The following LAMA2 variants were observed in gnomAD, a reference collection of about 807,000 sequenced individuals.
LAMA2 encodes the protein laminin subunit alpha-2.
LAMA2 carries 269 observed loss-of-function variants against 364.8 expected under a neutral mutation model. The observed-to-expected ratio is 0.74, with a 90% confidence interval of 0.67 to 0.82. The LOEUF is 0.82. Among genes scored for constraint, LAMA2 ranks in the 40% least tolerant of loss-of-function variants. LAMA2 has a pLI of 0.00. For synonymous variants in LAMA2, 1,379 were observed against 1,370.6 expected (o/e 1.01, Z -0.14); for missense variants, 3,807 against 3,873.2 (o/e 0.98, Z 0.45).
chr6:129,137,851 T>A (rs1436100034), intron 4 of LAMA2, among the ~76,000 whole-genome samples: 1 of 152,068 alleles, frequency 6.6e-6, no homozygotes, highest in Non-Finnish European at 1.5e-5. Flanking sequence ...AGAAAATGTA[T>A]AACCTCATTG....
chr6:128,983,343 T>G, intron 1 of LAMA2, among the ~76,000 whole-genome samples: 1 of 152,176 alleles, frequency 6.6e-6, no homozygotes, highest in East Asian at 1.9e-4. Context: ...TGGTTTTGGT[T>G]TGCATTTCTC....
At chr6:129,442,735 G>T (rs1782181046) in intron 43 of LAMA2, 1 of 370,498 alleles carries the variant, frequency 2.7e-6, no homozygotes, top group Non-Finnish European at 5.0e-6. Flanking sequence ...TCAACTGGTA[G>T]TGGCCTTTTG....
intron 3 of LAMA2, among the ~76,000 whole-genome samples, chr6:129,071,204 G>A (rs1773283311): frequency 1.3e-5 from 2 of 152,062 alleles, no homozygotes; most frequent in African/African-American, 2.4e-5. Flanking sequence ...CAAATATATC[G>A]ACATGAGTTG....
In LAMA2 at chr6:129,211,372, A is replaced by G. The variant is rs1016008757; in HGVS notation, c.1782+18519A>G. Among the ~76,000 whole-genome samples, 8 of 152,064 alleles carry G rather than the reference A, an allele frequency of 5.3e-5. No homozygotes were observed. In the South Asian group the frequency reaches 8.3e-4, roughly 16 times the overall value. ...CTTACCTATATTACAGGAAAAAACC[A>G]TCTAACTCTTTTTCTACCTCCAACC... On this transcript the variant is annotated intron_variant, in intron 12 of 64. Coordinates refer to ENST00000421865, the MANE Select transcript of LAMA2 (RefSeq NM_000426.4).
chr6:129,409,310 A>G (rs974302885), intron 40 of LAMA2, among the ~76,000 whole-genome samples: 2 of 151,982 alleles, frequency 1.3e-5, no homozygotes, highest in Non-Finnish European at 2.9e-5. Context: ...ATCATGGGGA[A>G]CTCCCTGTGA....
intron 10 of LAMA2, among the ~76,000 whole-genome samples, chr6:129,185,119 C>CA (rs1035949905): frequency 1.3e-5 from 2 of 151,464 alleles, no homozygotes; most frequent in African/African-American, 2.4e-5. Context: ...AATTATCACA[C>CA]AAAAAAAATA....
chr6:128,927,174 C>G (rs1488852429), intron 1 of LAMA2, among the ~76,000 whole-genome samples: 1 of 152,158 alleles, frequency 6.6e-6, no homozygotes, highest in African/African-American at 2.4e-5. Context: ...CAACACACCA[C>G]TCTCCCTCCT....
intron 1 of LAMA2, among the ~76,000 whole-genome samples, chr6:129,027,712 T>C (rs1785927709): frequency 6.6e-6 from 1 of 151,842 alleles, no homozygotes. Flanking sequence ...TTTAGACTTA[T>C]GGAGAATAAT....
chr6:128,986,889 A>G (rs1161481660), intron 1 of LAMA2, among the ~76,000 whole-genome samples: 2 of 152,094 alleles, frequency 1.3e-5, no homozygotes, highest in African/African-American at 4.8e-5. Flanking sequence ...AAAATAAGTT[A>G]TATTCAGAGA....
intron 1 of LAMA2, among the ~76,000 whole-genome samples, chr6:129,041,296 A>G (rs960264263): frequency 1.3e-5 from 2 of 152,190 alleles, no homozygotes; most frequent in Non-Finnish European, 2.9e-5. Flanking sequence ...TACACATCAA[A>G]CATGATTCTA....
At chr6:129,319,969 C>T (rs1215159540) in intron 27 of LAMA2, among the ~76,000 whole-genome samples, 1 of 151,958 alleles carries the variant, frequency 6.6e-6, no homozygotes, top group Non-Finnish European at 1.5e-5. Context: ...CCAGTTTCTA[C>T]TAAAAATACA....
In LAMA2 at chr6:129,173,033, G is replaced by A. The variant is rs544995101; in HGVS notation, c.1307-4673G>A. Among the ~76,000 whole-genome samples, 14 of 152,314 alleles carry A rather than the reference G, an allele frequency of 9.2e-5. No homozygotes were observed. In the South Asian group the frequency reaches 1.2e-3, roughly 14 times the overall value. Reference sequence around the variant, plus strand: ...GCAATGCCTCGCCCTGCTTCGGCTCGCGCAGGGTGCGCGCACCCACTGACC... The same window carrying A: ...GCAATGCCTCGCCCTGCTTCGGCTCACGCAGGGTGCGCGCACCCACTGACC... On this transcript the variant is annotated intron_variant, in intron 9 of 64. Transcript: ENST00000421865.
intron 4 of LAMA2, among the ~76,000 whole-genome samples, chr6:129,139,366 T>C (rs1777983802): frequency 6.6e-6 from 1 of 152,136 alleles, no homozygotes; most frequent in African/African-American, 2.4e-5. Flanking sequence ...AAAATCTGCA[T>C]CTGTACCGAA....
At chr6:129,019,477 T>C (rs1041814193) in intron 1 of LAMA2, among the ~76,000 whole-genome samples, 1 of 151,856 alleles carries the variant, frequency 6.6e-6, no homozygotes, top group African/African-American at 2.4e-5. Context: ...CTTTTGTGGG[T>C]GATGCCTTCA....
intron 10 of LAMA2, among the ~76,000 whole-genome samples, chr6:129,186,768 T>C (rs757316934): frequency 5.3e-5 from 8 of 151,722 alleles, no homozygotes; most frequent in Non-Finnish European, 1.5e-5. Flanking sequence ...AATATAATTA[T>C]CTGAAGTCCG....
At chr6:129,264,690 G>T (rs528597303) in intron 15 of LAMA2, among the ~76,000 whole-genome samples, 31 of 152,138 alleles carry the variant, frequency 2.0e-4, no homozygotes, top group Non-Finnish European at 3.5e-4. Context: ...AGAAATTTGG[G>T]AAGTGTGATG....
chr6:128,898,651 A>C (rs752965024), intron 1 of LAMA2, among the ~76,000 whole-genome samples: 1 of 152,184 alleles, frequency 6.6e-6, no homozygotes, highest in Non-Finnish European at 1.5e-5. Context: ...CCATTTTACA[A>C]TCAATTTTCC....
intron 20 of LAMA2, among the ~76,000 whole-genome samples, chr6:129,294,271 G>C (rs190660756): frequency 6.6e-6 from 1 of 152,276 alleles, no homozygotes; most frequent in Admixed American, 6.5e-5. Flanking sequence ...ACAGTAATCA[G>C]CCTGAGAGAA....
rs775791328 is a variant in LAMA2 at position 129,192,746 on chromosome 6, G to A, written c.1675G>A (p.Asp559Asn). 3.1e-6 allele frequency: 5 copies of A among 1,614,046 alleles called. No homozygotes were observed. Among genetic ancestry groups the A allele is most frequent in the Non-Finnish European group, 4.2e-6 (5 of 1,180,024 alleles). ...CCGCATTCGAGTGGCTCCCCAGCAG[G>A]ACGACTTGGACTCACCTCAGCAGAT... ...PGRIRVAPQQ[D>N]DLDSPQQISI... is the part of the protein sequence containing the mutation. Residue 559 changes from aspartate (D) to asparagine (N), a missense_variant, in exon 12 of 65, where the codon GAC becomes AAC. Asp to Asn is a conservative substitution (Grantham distance 23). Coordinates refer to ENST00000421865, the MANE Select transcript of LAMA2 (RefSeq NM_000426.4).
Sources: gnomAD v4.1 joint callset for allele counts (sites outside exome capture counted in the v4.1 genomes callset) on GRCh38, gnomAD v4.1.1 for gene constraint, MANE v1.5 for transcripts, NCBI Gene and HGNC (gene_info 2026-07-23, HGNC 2026-07-21) for gene names.